The following HAVCR1 variants were observed in gnomAD, a reference collection of about 807,000 sequenced individuals.
HAVCR1 encodes the protein T cell immunoglobin domain and mucin domain protein 1.
In HAVCR1, 34 loss-of-function variants were observed where a neutral mutation model predicts 32.0. The observed-to-expected ratio is 1.06, with a 90% CI of 0.81 to 1.42. The LOEUF (loss-of-function observed/expected upper bound fraction) is 1.42, where lower values mean the gene tolerates loss of function less well. Ranked by LOEUF, HAVCR1 falls within the 40% of genes most tolerant of loss-of-function variation. The pLI, the probability that HAVCR1 is intolerant of heterozygous loss-of-function variation, is 0.00. For synonymous variants in HAVCR1, 178 were observed against 170.3 expected, an observed-to-expected ratio of 1.05 and a Z score of -0.35; for missense variants, 420 against 442.3, an observed-to-expected ratio of 0.95 and a Z score of 0.45.
intron 8 of HAVCR1, among the ~76,000 whole-genome samples, chr5:157,031,534 G>T (rs1754169991): frequency 6.6e-6 from 1 of 152,090 alleles, no homozygotes; most frequent in African/African-American, 2.4e-5. Context: ...GATTTAAATT[G>T]TACCTGGGGC....
rs756746984 is a variant in HAVCR1 at position 157,055,431 on chromosome 5, C to CCT, written c.147_148dup (p.Gly50GlufsTer42). On this transcript the variant is annotated frameshift_variant, in exon 3 of 9. Coordinates refer to ENST00000523175, the MANE Select transcript of HAVCR1 (RefSeq NM_001173393.3). LOFTEE classifies it high-confidence loss of function. ...TTGGCATGTGAATAGAGAACATGAG[C>CCT]CTCTATTCCAGCACATGGATGTGAC... is the stretch of plus-strand genomic sequence containing the variant. 5.5e-4 allele frequency: 876 copies of CCT among 1,607,128 alleles called. 2 individuals are homozygous for CCT. Among genetic ancestry groups the CCT allele is most frequent in the Non-Finnish European group, 6.9e-4 (804 of 1,173,672 alleles).
chr5:157,041,886 C>G (rs1053566665), intron 6 of HAVCR1, among the ~76,000 whole-genome samples: 2 of 152,004 alleles, frequency 1.3e-5, no homozygotes, highest in Non-Finnish European at 2.9e-5. Context: ...TGGTGAAACC[C>G]CACCTCTACT....
chr5:157,061,060 G>A (rs1299740753), upstream of HAVCR1, among the ~76,000 whole-genome samples: 1 of 152,028 alleles, frequency 6.6e-6, no homozygotes. Flanking sequence ...ACCATGCCTG[G>A]CTAATTTTTG....
intron 7 of HAVCR1, among the ~76,000 whole-genome samples, chr5:157,035,899 T>C (rs1472750841): frequency 3.9e-5 from 6 of 152,228 alleles, no homozygotes; most frequent in Non-Finnish European, 4.4e-5. Flanking sequence ...GTGTTCTAAG[T>C]AATCTAGGGA....
intron 6 of HAVCR1, 25 bp downstream of exon 6, chr5:157,042,602 A>C (rs1288938599): frequency 6.8e-7 from 1 of 1,477,552 alleles, no homozygotes; most frequent in African/African-American, 1.4e-5. Context: ...AATCTGGCTA[A>C]TCAAATAGGG....
intron 5 of HAVCR1, among the ~76,000 whole-genome samples, chr5:157,045,752 T>C (rs899421786): frequency 4.6e-5 from 7 of 152,198 alleles, no homozygotes; most frequent in Admixed American, 1.3e-4. Flanking sequence ...TTCCATGGGC[T>C]TTAGGCAACT....
intron 5 of HAVCR1, among the ~76,000 whole-genome samples, chr5:157,044,101 G>T (rs1755079468): frequency 6.6e-6 from 1 of 152,036 alleles, no homozygotes; most frequent in Non-Finnish European, 1.5e-5. Context: ...GGAGGCTGAG[G>T]CAGGCAGATC....
At chr5:157,046,497 T>C (rs1402615071) in intron 5 of HAVCR1, among the ~76,000 whole-genome samples, 1 of 152,202 alleles carries the variant, frequency 6.6e-6, no homozygotes, top group Non-Finnish European at 1.5e-5. Flanking sequence ...GTAAGGATTG[T>C]TTGGAGCAGA....
chr5:157,036,348 G>A (rs1247664001), intron 7 of HAVCR1, among the ~76,000 whole-genome samples: 6 of 152,044 alleles, frequency 3.9e-5, no homozygotes, highest in Admixed American at 3.3e-4. Context: ...GCGTGGTGGC[G>A]GGCGCCTGTA....
chr5:157,035,754 G>A (rs1284739008), intron 7 of HAVCR1, among the ~76,000 whole-genome samples: 1 of 151,744 alleles, frequency 6.6e-6, no homozygotes, highest in African/African-American at 2.4e-5. Context: ...ATGTCCACAG[G>A]TTTGGCATCC....
intron 1 of HAVCR1, chr5:157,058,412 A>C: frequency 6.5e-6 from 1 of 154,134 alleles, no homozygotes; most frequent in Non-Finnish European, 1.4e-5. Flanking sequence ...AAATACAAAA[A>C]ATTAGCCGGG....
chr5:157,037,481 C>T (rs964657924), intron 6 of HAVCR1, 120 bp from the exon 7 acceptor site: 9 of 617,344 alleles, frequency 1.5e-5, no homozygotes, highest in African/African-American at 1.1e-4. Context: ...ACTTCTGGAA[C>T]ATAAGGGTAA....
upstream of HAVCR1, among the ~76,000 whole-genome samples, chr5:157,064,087 C>A (rs150130183): frequency 6.6e-6 from 1 of 152,290 alleles, no homozygotes; most frequent in Non-Finnish European, 1.5e-5. Context: ...CATAGGGTGA[C>A]AGTATCTAAC....
chr5:157,041,847 T>G (rs1292090925), intron 6 of HAVCR1, among the ~76,000 whole-genome samples: 1 of 152,028 alleles, frequency 6.6e-6, no homozygotes, highest in African/African-American at 2.4e-5. Flanking sequence ...TTGCCTGAGG[T>G]CAGGAGTTTG....
At chr5:157,053,734 G>A (rs1430512072) in intron 3 of HAVCR1, among the ~76,000 whole-genome samples, 1 of 152,040 alleles carries the variant, frequency 6.6e-6, no homozygotes, top group Non-Finnish European at 1.5e-5. Flanking sequence ...GCCAGGCATG[G>A]TGGTGCGCAC....
rs182096233 is a variant in HAVCR1, at chr5:157,057,852, C to A, written c.46+46G>T. 1.1e-4 allele frequency: 151 copies of A among 1,390,402 alleles called. 1 individual carries two copies. The Admixed American group carries it at 2.3e-3, about 21-fold the overall frequency. 86.1% of individuals were successfully genotyped at this position (1,390,402 alleles called of 1,614,324 possible). ...CCCTACCCCATTCTCTGGCTTCTAACCCCCCTCTACTCCCTTCTTCCCGCC... is the reference window on the plus strand; with the variant it reads ...CCCTACCCCATTCTCTGGCTTCTAAACCCCCTCTACTCCCTTCTTCCCGCC... On this transcript the variant is annotated intron_variant, in intron 2 of 8. Coordinates refer to ENST00000523175, the MANE Select transcript of HAVCR1 (RefSeq NM_001173393.3).
In HAVCR1 at chr5:157,055,495, C is replaced by A; in HGVS notation, c.85G>T (p.Gly29Cys). The A allele has an allele frequency of 1.9e-6, 3 of 1,600,118 alleles. No homozygotes were observed. Among genetic ancestry groups the A allele is most frequent in the Non-Finnish European group, 2.6e-6 (3 of 1,170,794 alleles). ...AGSVKVGGEA[G>C]PSVTLPCHYS... ...TGGCAGGGTAGTGTGACAGATGGACCTGCCTCTCCACCAACCTTTACAGAA... is the reference window on the plus strand; with the variant it reads ...TGGCAGGGTAGTGTGACAGATGGACATGCCTCTCCACCAACCTTTACAGAA... The change falls in exon 3 of 9, where the codon GGT becomes TGT. Residue 29 changes from glycine (G) to cysteine (C), a missense_variant. Gly to Cys is a radical substitution (Grantham distance 159, BLOSUM62 -3). Transcript: ENST00000523175.
At chr5:157,066,222 T>C in the HAVCR1 span, among the ~76,000 whole-genome samples, 2 of 152,038 alleles carry the variant, frequency 1.3e-5, no homozygotes, top group South Asian at 4.2e-4. Flanking sequence ...AGGAAAGGAA[T>C]AAGATTTGTC....
Position 157,044,668 on chromosome 5 carries a change from AGAAAGAAAGGAG to A in HAVCR1, c.782-1998_782-1987del, listed in dbSNP as rs1561591604. Among the ~76,000 whole-genome samples the A allele has an allele frequency of 8.9e-5, 11 of 124,106 alleles. 1 individual carries two copies. Among genetic ancestry groups the A allele is most frequent in the Non-Finnish European group, 1.9e-4 (10 of 53,488 alleles). The allele number at this position is 124,106 out of a possible 152,430, so 81.4% of individuals were successfully genotyped here. A position where few individuals can be genotyped will look rare whatever the true frequency, so the allele number is the denominator to read the frequency against. ...AAGAAAGAAAGAAAGAAAGAAAGAA[AGAAAGAAAGGAG>A]GGAGGGAGGAAGGAAGGAAGGAAGG... On this transcript the variant is annotated intron_variant, in intron 5 of 8. Coordinates refer to ENST00000523175, the MANE Select transcript of HAVCR1 (RefSeq NM_001173393.3).
Sources: allele counts gnomAD v4.1 joint callset (sites outside exome capture counted in the v4.1 genomes callset), GRCh38; gene constraint gnomAD v4.1.1; transcripts MANE v1.5; gene names NCBI Gene and HGNC (gene_info 2026-07-23, HGNC 2026-07-21).